ANK3: variants seen among roughly 807,000 people sequenced by gnomAD.
The protein encoded by ANK3 is ankyrin 3.
A neutral mutation model predicts 370.9 loss-of-function variants in ANK3; 57 were observed. That is an observed-to-expected ratio of 0.15 (90% CI 0.12 to 0.19). The LOEUF (loss-of-function observed/expected upper bound fraction) is 0.19, where lower values mean the gene tolerates loss of function less well. Among genes scored for constraint, ANK3 ranks in the 10% least tolerant of loss-of-function variants. ANK3 has a pLI of 1.00. For synonymous variants in ANK3, 1,929 were observed against 1,946.3 expected, an observed-to-expected ratio of 0.99 and a Z score of 0.23; for missense variants, 4,439 against 5,302.1, an observed-to-expected ratio of 0.84 and a Z score of 5.06.
At chr10:60,629,728 C>T (rs2078457014) in intron 1 of ANK3, among the ~76,000 whole-genome samples, 1 of 151,902 alleles carries the variant, frequency 6.6e-6, no homozygotes, top group African/African-American at 2.4e-5. Context: ...ATATAAAAGA[C>T]ATATTAAAAA....
intron 2 of ANK3, among the ~76,000 whole-genome samples, chr10:60,405,524 T>G (rs980010717): frequency 6.6e-6 from 1 of 151,970 alleles, no homozygotes; most frequent in Non-Finnish European, 1.5e-5. Context: ...AGGGAGAAAA[T>G]TTTCTGGGGT....
At chr10:60,444,682 T>C (rs527360854) in intron 2 of ANK3, among the ~76,000 whole-genome samples, 1 of 151,980 alleles carries the variant, frequency 6.6e-6, no homozygotes, top group Admixed American at 6.6e-5. Flanking sequence ...CTAGAGGGAG[T>C]GGTTGATCTT....
intron 23 of ANK3, among the ~76,000 whole-genome samples, chr10:60,155,240 T>C (rs2095293866): frequency 6.6e-6 from 1 of 152,166 alleles, no homozygotes; most frequent in Non-Finnish European, 1.5e-5. Flanking sequence ...CAGCACAGCA[T>C]AGAGAAAGAA....
At position 60,137,386 on chromosome 10, in the gene ANK3, A is replaced by AAAAAC. The variant is rs761620425; in HGVS notation, c.2738+1577_2738+1578insGTTTT. 1.8e-4 allele frequency: 67 copies of AAAAAC among 368,420 alleles called. 2 individuals are homozygous for AAAAAC. The highest frequency in any genetic ancestry group is 1.4e-3 in the African/African-American group (63 of 46,274). 22.8% of individuals were successfully genotyped at this position (368,420 alleles called of 1,614,324 possible). A position where few individuals can be genotyped will look rare whatever the true frequency, so the allele number is the denominator to read the frequency against. On this transcript the variant is annotated intron_variant, in intron 24 of 43. Transcript: ENST00000280772. ...AAAGTAATTTTAGGAAAAAAAAAAA[A>AAAAAC]AAAAAACAAGAAATAGAAAGCAAAA...
At chr10:60,446,519 T>C (rs2064450867) in intron 2 of ANK3, among the ~76,000 whole-genome samples, 1 of 152,200 alleles carries the variant, frequency 6.6e-6, no homozygotes, top group Non-Finnish European at 1.5e-5. Flanking sequence ...GACTTTCTGG[T>C]GTCTTCTTTG....
intron 2 of ANK3, among the ~76,000 whole-genome samples, chr10:60,591,746 A>C (rs192069037): frequency 1.1e-4 from 16 of 152,320 alleles, no homozygotes; most frequent in Non-Finnish European, 1.9e-4. Flanking sequence ...TTCTGCCATA[A>C]AAAGAATGAG....
intron 2 of ANK3, among the ~76,000 whole-genome samples, chr10:60,397,662 G>A (rs879492263): frequency 1.3e-5 from 2 of 152,108 alleles, no homozygotes; most frequent in Non-Finnish European, 2.9e-5. Flanking sequence ...TCTCTTTCAT[G>A]TTGTTTTGGA....
At chr10:60,048,948 G>C (rs1030825288) in intron 42 of ANK3, among the ~76,000 whole-genome samples, 2 of 152,040 alleles carry the variant, frequency 1.3e-5, no homozygotes, top group African/African-American at 2.4e-5. Context: ...GACAAGAGAT[G>C]GTTCCCATGT....
intron 1 of ANK3, among the ~76,000 whole-genome samples, chr10:60,667,604 A>G (rs1368923461): frequency 6.7e-6 from 1 of 149,660 alleles, no homozygotes; most frequent in East Asian, 1.9e-4. Context: ...GCATATTTTT[A>G]CACTTTACAA....
intron 2 of ANK3, 72 bp downstream of exon 2, chr10:60,279,465 GA>G: frequency 8.6e-7 from 1 of 1,157,976 alleles, no homozygotes; most frequent in Non-Finnish European, 1.3e-6. Context: ...ACAAATAAAT[GA>G]AGTCTTTAAG....
intron 2 of ANK3, among the ~76,000 whole-genome samples, chr10:60,564,872 G>A (rs998015336): frequency 4.6e-5 from 7 of 152,124 alleles, no homozygotes; most frequent in Admixed American, 4.6e-4. Flanking sequence ...CTGAAATAGT[G>A]AAAATCCTTT....
At chr10:60,440,542 C>A (rs931791473) in intron 2 of ANK3, among the ~76,000 whole-genome samples, 1 of 152,076 alleles carries the variant, frequency 6.6e-6, no homozygotes, top group East Asian at 1.9e-4. Context: ...GAACCACCCC[C>A]ATGATCCTCT....
intron 1 of ANK3, among the ~76,000 whole-genome samples, chr10:60,656,299 G>A (rs2078862737): frequency 1.3e-5 from 2 of 151,790 alleles, no homozygotes; most frequent in African/African-American, 4.8e-5. Context: ...GCATAAAGTT[G>A]TTAATGATAT....
chr10:60,380,258 C>T (rs2061384825), intron 1 of ANK3, among the ~76,000 whole-genome samples: 1 of 151,998 alleles, frequency 6.6e-6, no homozygotes, highest in South Asian at 2.1e-4. Context: ...AGAGATAAAT[C>T]ACAAAAAGGA....
At chr10:60,634,918 A>G (rs1251407501) in intron 1 of ANK3, among the ~76,000 whole-genome samples, 1 of 152,206 alleles carries the variant, frequency 6.6e-6, no homozygotes, top group Non-Finnish European at 1.5e-5. Context: ...AACTCCAGAC[A>G]CATCTGAACA....
Position 60,070,202 on chromosome 10 carries a change from C to T in ANK3, c.10679G>A (p.Arg3560Gln), listed in dbSNP as rs756241696. 1.1e-5 allele frequency: 18 copies of T among 1,614,106 alleles called. No individual in the cohort carries two copies. The highest frequency in any genetic ancestry group is 2.2e-5 in the East Asian group (1 of 44,864). Reference sequence around the variant, plus strand: ...CCCAAATGGCTTAGTTTCATCTTCCCGTGATTTACTGTCAAAAACTTCATC... The same window carrying T: ...CCCAAATGGCTTAGTTTCATCTTCCTGTGATTTACTGTCAAAAACTTCATC... ...GDDEVFDSKS[R>Q]EDETKPFGLA... The change falls in exon 37 of 44, where the codon CGG becomes CAG. Residue 3560 changes from arginine to glutamine, a missense_variant. By Grantham distance (43) the Arg-to-Gln change is conservative. Transcript: ENST00000280772. This position sits in a 1 kb window ranked among gnomAD's most constrained non-coding sequence, Gnocchi z 5.7.
chr10:60,082,252 A>G, intron 34 of ANK3, 76 bp from the exon 35 acceptor site: 2 of 1,328,432 alleles, frequency 1.5e-6, no homozygotes, highest in Middle Eastern at 1.8e-4. Context: ...CAGGATATGA[A>G]AAGGACTGAG....
intron 2 of ANK3, among the ~76,000 whole-genome samples, chr10:60,598,163 G>A (rs967712361): frequency 1.3e-5 from 2 of 152,138 alleles, no homozygotes; most frequent in Non-Finnish European, 2.9e-5. Context: ...CTGTTACATC[G>A]TAGCAGAAAC....
In ANK3 at chr10:60,467,638, CT is replaced by C. The variant is rs1271224905; in HGVS notation, c.96+147547del. Reference sequence around the variant, plus strand: ...TCACAAGTAACATTTAAAATACATTCTTTTTTTATAATTAAAGAGCAAAAAT... The same window carrying C: ...TCACAAGTAACATTTAAAATACATTCTTTTTTATAATTAAAGAGCAAAAAT... On this transcript the variant is annotated intron_variant, in intron 2 of 43. Transcript: ENST00000373827. 7.2e-5 allele frequency among the ~76,000 whole-genome samples: 11 copies of C among 152,208 alleles called. No homozygotes were observed. The East Asian group carries it at 1.9e-3, about 27-fold the overall frequency.
Sources: gnomAD v4.1 joint callset for allele counts (sites outside exome capture counted in the v4.1 genomes callset) on GRCh38, gnomAD v4.1.1 for gene constraint, Gnocchi (gnomAD v3.1) non-coding constraint, MANE v1.5 for transcripts, NCBI Gene and HGNC (gene_info 2026-07-23, HGNC 2026-07-21) for gene names.